Variants in MARCHF4 observed in about 807,000 individuals in gnomAD.
MARCHF4 encodes the protein membrane associated ring-CH-type finger 4.
Under a neutral mutation model 43.9 loss-of-function variants are expected in MARCHF4, and 14 were observed. The ratio of observed to expected loss-of-function variants is 0.32; its 90% CI spans 0.21 to 0.50. The LOEUF (loss-of-function observed/expected upper bound fraction) is 0.50, where lower values mean the gene tolerates loss of function less well. MARCHF4 is among the 20% of genes least tolerant of loss of function. The probability of loss-of-function intolerance (pLI) is 0.98; values close to 1 mark genes in which losing one functional copy is unlikely to be tolerated. For synonymous variants in MARCHF4, 226 were observed against 213.3 expected, an observed-to-expected ratio of 1.06 and a Z score of -0.52; for missense variants, 468 against 536.7, an observed-to-expected ratio of 0.87 and a Z score of 1.27.
At chr2:216,262,124 T>C (rs1031970783) in intron 3 of MARCHF4, among the ~76,000 whole-genome samples, 8 of 151,994 alleles carry the variant, frequency 5.3e-5, no homozygotes, top group Admixed American at 2.6e-4. Context: ...ATAGAAGAGA[T>C]AAGAGAGGAA....
At chr2:216,263,511 G>GAA (rs755144891) in intron 3 of MARCHF4, among the ~76,000 whole-genome samples, 21,353 of 61,416 alleles carry the variant, frequency 0.35, 1,850 homozygotes, top group Non-Finnish European at 0.45. Flanking sequence ...GAGAGAGAGA[G>GAA]AGAGAGAGAG....
chr2:216,301,091 C>G (rs1691486370), intron 1 of MARCHF4, among the ~76,000 whole-genome samples: 1 of 152,186 alleles, frequency 6.6e-6, no homozygotes, highest in African/African-American at 2.4e-5. Context: ...AGACCCAAGG[C>G]TGCCAGCTCC....
At position 216,369,910 on chromosome 2, in the gene MARCHF4, A is replaced by G; in HGVS notation, c.351T>C (p.Asp117=). 1.2e-6 allele frequency: 2 copies of G among 1,612,986 alleles called. No homozygotes were observed. The highest frequency in any genetic ancestry group is 1.7e-6 in the Non-Finnish European group (2 of 1,179,574). ...PPPLPPSSVE[D]DWGGPATEPP... is the part of the protein sequence containing the mutation. Reference sequence around the variant, plus strand: ...GCTCTGTGGCTGGGCCACCCCAGTCATCTTCCACAGAAGAAGGTGGCAAGG... The same window carrying G: ...GCTCTGTGGCTGGGCCACCCCAGTCGTCTTCCACAGAAGAAGGTGGCAAGG... Residue 117 remains aspartate, a synonymous_variant, in exon 1 of 4, where the codon GAT becomes GAC. Transcript: ENST00000273067.
chr2:216,355,422 T>C (rs566302107), intron 1 of MARCHF4, among the ~76,000 whole-genome samples: 6 of 152,312 alleles, frequency 3.9e-5, no homozygotes, highest in African/African-American at 1.2e-4. Context: ...TTGTTTTACT[T>C]ATAGTCACTG....
intron 1 of MARCHF4, among the ~76,000 whole-genome samples, chr2:216,361,792 G>T (rs1254411799): frequency 1.3e-5 from 2 of 152,292 alleles, no homozygotes; most frequent in South Asian, 4.1e-4. Context: ...ATTTTTTAAA[G>T]ACTCCAGTGA....
At chr2:216,291,024 T>C (rs1691298303) in intron 1 of MARCHF4, among the ~76,000 whole-genome samples, 1 of 151,944 alleles carries the variant, frequency 6.6e-6, no homozygotes, top group Non-Finnish European at 1.5e-5. Context: ...AATTTGAGAG[T>C]CATTTGGTGT....
intron 1 of MARCHF4, among the ~76,000 whole-genome samples, chr2:216,342,789 C>T (rs1007179357): frequency 3.3e-5 from 5 of 152,130 alleles, no homozygotes; most frequent in African/African-American, 7.2e-5. Context: ...TGTGGCCGCA[C>T]GGTACACCCT....
At chr2:216,273,761 G>A (rs949141014) in intron 3 of MARCHF4, among the ~76,000 whole-genome samples, 4 of 152,166 alleles carry the variant, frequency 2.6e-5, no homozygotes, top group African/African-American at 4.8e-5. Context: ...TTCCGCCTTC[G>A]TGCAGCAAGA....
intron 1 of MARCHF4, among the ~76,000 whole-genome samples, chr2:216,309,756 G>C (rs1374048523): frequency 6.6e-6 from 1 of 152,216 alleles, no homozygotes; most frequent in Non-Finnish European, 1.5e-5. Context: ...GATGAAAATA[G>C]AAAGAGAGGC....
chr2:216,369,543 C>A (rs953529023), intron 1 of MARCHF4, among the ~76,000 whole-genome samples: 2 of 152,202 alleles, frequency 1.3e-5, no homozygotes, highest in African/African-American at 4.8e-5. Context: ...ACCTAGAACA[C>A]AAACGAACCA....
At chr2:216,297,672 C>T (rs984914563) in intron 1 of MARCHF4, among the ~76,000 whole-genome samples, 1 of 152,210 alleles carries the variant, frequency 6.6e-6, no homozygotes, top group Admixed American at 6.5e-5. Context: ...TGCCACCACA[C>T]CCGCCTAATG....
chr2:216,306,633 G>C (rs1169193222), intron 1 of MARCHF4, among the ~76,000 whole-genome samples: 1 of 148,978 alleles, frequency 6.7e-6, no homozygotes, highest in African/African-American at 2.6e-5. Context: ...TTATAGCAAG[G>C]GTACGTTACT....
At chr2:216,278,083 G>C (rs1015109819) in intron 2 of MARCHF4, among the ~76,000 whole-genome samples, 2 of 152,190 alleles carry the variant, frequency 1.3e-5, no homozygotes, top group African/African-American at 4.8e-5. Flanking sequence ...ACAGTTCATT[G>C]TAAGGAGGGG....
At chr2:216,300,443 G>A (rs547597367) in intron 1 of MARCHF4, among the ~76,000 whole-genome samples, 3 of 151,186 alleles carry the variant, frequency 2.0e-5, no homozygotes, top group East Asian at 1.9e-4. Context: ...TCCCAGGCTC[G>A]AGTGATCGTC....
At chr2:216,325,668 T>TAGA (rs1574478065) in intron 1 of MARCHF4, among the ~76,000 whole-genome samples, 1 of 151,982 alleles carries the variant, frequency 6.6e-6, no homozygotes, top group East Asian at 1.9e-4. Context: ...TATCTACAAC[T>TAGA]ATCTGATCTT....
intron 1 of MARCHF4, among the ~76,000 whole-genome samples, chr2:216,329,074 T>A (rs980679594): frequency 6.7e-5 from 10 of 150,342 alleles, no homozygotes; most frequent in Non-Finnish European, 1.3e-4. Flanking sequence ...AATAAATAAA[T>A]GCTATGATAA....
intron 1 of MARCHF4, among the ~76,000 whole-genome samples, chr2:216,364,739 C>A (rs1692639902): frequency 6.6e-6 from 1 of 152,212 alleles, no homozygotes; most frequent in Non-Finnish European, 1.5e-5. Context: ...TGGTCCAAGG[C>A]TCATTAGTAC....
chr2:216,297,306 C>A (rs1461455116), intron 1 of MARCHF4, among the ~76,000 whole-genome samples: 1 of 152,202 alleles, frequency 6.6e-6, no homozygotes, highest in Non-Finnish European at 1.5e-5. Flanking sequence ...CCAGTCCTGG[C>A]AGATGGAAGG....
intron 1 of MARCHF4, among the ~76,000 whole-genome samples, chr2:216,335,446 C>A (rs1692142550): frequency 6.6e-6 from 1 of 152,126 alleles, no homozygotes; most frequent in South Asian, 2.1e-4. Context: ...GAGGTTAACA[C>A]ACAATCTGAG....
Sources: allele counts gnomAD v4.1 joint callset (sites outside exome capture counted in the v4.1 genomes callset), GRCh38; gene constraint gnomAD v4.1.1; transcripts MANE v1.5; gene names NCBI Gene and HGNC (gene_info 2026-07-23, HGNC 2026-07-21).